CLBA1: variants seen among roughly 807,000 people sequenced by gnomAD.
CLBA1 encodes clathrin binding box of aftiphilin containing 1.
CLBA1 carries 30 observed loss-of-function variants against 28.8 expected under a neutral mutation model. The ratio of observed to expected loss-of-function variants is 1.04; its 90% confidence interval spans 0.78 to 1.41. The LOEUF is 1.41. Among genes scored for constraint, CLBA1 ranks in the 40% most tolerant of loss-of-function variants. The pLI, the probability that CLBA1 is intolerant of heterozygous loss-of-function variation, is 0.00. For missense variants in CLBA1, 451 were observed against 412.3 expected (o/e 1.09, Z -0.81); for synonymous variants, 160 against 152.8 (o/e 1.05, Z -0.35).
chr14:104,991,270 A>C (rs374079256), intron 2 of CLBA1: 1 of 404,154 alleles, frequency 2.5e-6, no homozygotes, highest in Non-Finnish European at 4.6e-6. Context: ...CTGATCTGTC[A>C]GCCTCAGCCT....
Position 104,995,033 on chromosome 14 carries a change from T to G in CLBA1, c.*274T>G, listed in dbSNP as rs1900132236. 9.2e-7 allele frequency: 1 copy of G among 1,088,474 alleles called. No homozygotes were observed. Among genetic ancestry groups the G allele is most frequent in the African/African-American group, 1.6e-5 (1 of 60,658 alleles). 67.4% of individuals were successfully genotyped at this position (1,088,474 alleles called of 1,614,324 possible). On this transcript the variant is annotated 3_prime_UTR_variant, in exon 5 of 5. Coordinates refer to ENST00000547315, the MANE Select transcript of CLBA1 (RefSeq NM_174891.4). ...TGGCACTCATGGGCCCCCTGCCCCA[T>G]GTGAATGCTGCTGGCACCTGGTGGG...
At chr14:104,987,378 C>T (rs1313957615) in intron 1 of CLBA1, among the ~76,000 whole-genome samples, 1 of 152,164 alleles carries the variant, frequency 6.6e-6, no homozygotes, top group Non-Finnish European at 1.5e-5. Context: ...AGCCTTCAGG[C>T]CCCTGCCCCC....
At chr14:104,990,067 T>A (rs1427721391) in intron 2 of CLBA1, 2 of 195,308 alleles carry the variant, frequency 1.0e-5, no homozygotes, top group Non-Finnish European at 2.2e-5. Context: ...GCATGATCCC[T>A]GGGGAAAAAC....
intron 1 of CLBA1, among the ~76,000 whole-genome samples, chr14:104,987,971 G>C (rs1270865654): frequency 6.6e-6 from 1 of 152,002 alleles, no homozygotes; most frequent in Non-Finnish European, 1.5e-5. Context: ...CTGGAATCCT[G>C]ATGAGATCCA....
chr14:104,986,920 C>G, intron 1 of CLBA1, 66 bp downstream of exon 1: 1 of 1,543,004 alleles, frequency 6.5e-7, no homozygotes, highest in Non-Finnish European at 8.8e-7. Context: ...GCCTACAGCC[C>G]TCGAATGCTG....
intron 2 of CLBA1, 56 bp downstream of exon 2, chr14:104,989,144 A>G (rs540320815): frequency 2.6e-5 from 41 of 1,567,532 alleles, no homozygotes; most frequent in Non-Finnish European, 3.5e-5. Context: ...TTTGTTTGAT[A>G]AAAGTAGGTG....
intron 3 of CLBA1, among the ~76,000 whole-genome samples, chr14:104,992,172 C>G (rs1900051769): frequency 6.7e-6 from 1 of 148,832 alleles, no homozygotes; most frequent in African/African-American, 2.5e-5. Context: ...CCACATGCCA[C>G]CATGCACACA....
chr14:104,987,612 T>C (rs1448868073), intron 1 of CLBA1, among the ~76,000 whole-genome samples: 2 of 67,446 alleles, frequency 3.0e-5, no homozygotes, highest in African/African-American at 1.3e-4. Context: ...TTTTCTTTTT[T>C]TTTTTTTTTT....
chr14:104,988,582 G>C (rs1354634377), intron 1 of CLBA1, among the ~76,000 whole-genome samples: 3 of 152,150 alleles, frequency 2.0e-5, no homozygotes, highest in Non-Finnish European at 4.4e-5. Context: ...CTCGTGATCT[G>C]CCCACCTGGG....
chr14:104,986,235 G>A lies in CLBA1; in HGVS notation c.-197G>A. 1 of 621,146 alleles carries A rather than the reference G, an allele frequency of 1.6e-6. No individual in the cohort carries two copies. The highest frequency in any genetic ancestry group is 2.0e-5 in the South Asian group (1 of 50,284). The allele number at this position is 621,146 out of a possible 1,614,324, so 38.5% of individuals were successfully genotyped here. On this transcript the variant is annotated 5_prime_UTR_variant, in exon 1 of 5. In the 5' UTR this introduces an upstream ATG that the reference lacks. Transcript: ENST00000547315. ...ACTCCCGGGCGACCGGGCCATTCCT[G>A]TGGTTTGTGTCAGTTCCACAGCAGC... is the stretch of plus-strand genomic sequence containing the variant.
At chr14:104,988,809 T>C in intron 1 of CLBA1, 134 bp from the exon 2 acceptor site, 1 of 929,860 alleles carries the variant, frequency 1.1e-6, no homozygotes, top group Non-Finnish European at 1.6e-6. Flanking sequence ...GGAATGAATA[T>C]GTCAAGTGAT....
downstream of CLBA1, among the ~76,000 whole-genome samples, chr14:104,999,851 A>G (rs1183621186): frequency 6.6e-6 from 1 of 152,248 alleles, no homozygotes; most frequent in Non-Finnish European, 1.5e-5. Context: ...TAAGAAAAGT[A>G]CAAAACCACC....
At position 104,986,453 on chromosome 14, in the gene CLBA1, G is replaced by C. The variant is rs773962698; in HGVS notation, c.22G>C (p.Gly8Arg). The change falls in exon 1 of 5, where the codon GGG (glycine) becomes CGG (arginine). Residue 8 changes from glycine (G) to arginine (R), a missense_variant. Gly to Arg is a moderately radical substitution (Grantham distance 125, BLOSUM62 -2). Coordinates refer to ENST00000547315, the MANE Select transcript of CLBA1 (RefSeq NM_174891.4). ...CAAGATGCAAGGCCGGCGGGAGCTG[G>C]GGGGAGAGCCTTTGAGTGACCTCCA... is the stretch of plus-strand genomic sequence containing the variant. MQGRREL[G>R]GEPLSDLQEE... The C allele has an allele frequency of 6.2e-6, 10 of 1,612,744 alleles. No individual in the cohort carries two copies. In the Admixed American group the frequency reaches 8.3e-5, roughly 13 times the overall value.
chr14:104,991,392 G>T, intron 2 of CLBA1, 99 bp from the exon 3 acceptor site: 3 of 1,474,764 alleles, frequency 2.0e-6, no homozygotes, highest in Non-Finnish European at 2.8e-6. Context: ...CGGCTTGCGG[G>T]TAAAGGCCAG....
In CLBA1 at chr14:104,992,874, G is replaced by A. The variant is rs1900073578; in HGVS notation, c.700-74G>A. On this transcript the variant is annotated intron_variant, in intron 3 of 4. Coordinates refer to ENST00000547315, the MANE Select transcript of CLBA1 (RefSeq NM_174891.4). ...GCAGTTTTAGCATGAAATTAGTAGA[G>A]GGGCTCAGGGGAAAAGGAAACAGGA... 1.9e-5 allele frequency: 23 copies of A among 1,198,386 alleles called. No individual in the cohort carries two copies. The South Asian group carries it at 2.5e-4, about 13-fold the overall frequency. The allele number at this position is 1,198,386 out of a possible 1,614,324, so 74.2% of individuals were successfully genotyped here.
At chr14:104,997,056 G>A (rs1456934278), downstream of CLBA1, among the ~76,000 whole-genome samples, 1 of 152,220 alleles carries the variant, frequency 6.6e-6, no homozygotes, top group Non-Finnish European at 1.5e-5. Flanking sequence ...AGTAGAAGCA[G>A]AGTCAGCCCC....
chr14:104,989,848 C>T, intron 2 of CLBA1: 1 of 393,970 alleles, frequency 2.5e-6, no homozygotes, highest in Non-Finnish European at 5.2e-6. Context: ...TTTTGTGTCT[C>T]TGAGCAGGCC....
At chr14:104,988,331 ATTTC>A (rs1165594372) in intron 1 of CLBA1, among the ~76,000 whole-genome samples, 1 of 124,718 alleles carries the variant, frequency 8.0e-6, no homozygotes, top group Non-Finnish European at 1.6e-5. Flanking sequence ...AGTATGTATA[ATTTC>A]TTTTTTTTTT....
chr14:104,994,299 C>G (rs1900114427), intron 4 of CLBA1: 1 of 985,324 alleles, frequency 1.0e-6, no homozygotes, highest in Non-Finnish European at 1.2e-6. Context: ...TGGCAGCCTC[C>G]ACCAGGGAGT....
Sources: gnomAD v4.1 joint callset for allele counts (sites outside exome capture counted in the v4.1 genomes callset) on GRCh38, gnomAD v4.1.1 for gene constraint, MANE v1.5 for transcripts, NCBI Gene and HGNC (gene_info 2026-07-23, HGNC 2026-07-21) for gene names.